HOOK2: variants seen among roughly 807,000 people sequenced by gnomAD.
The protein encoded by HOOK2 is hook microtubule tethering protein 2.
In HOOK2, 108 loss-of-function variants were observed where a neutral mutation model predicts 111.9. That is an observed-to-expected ratio of 0.96 (90% CI 0.83 to 1.13). The LOEUF (loss-of-function observed/expected upper bound fraction) is 1.13. HOOK2 is among the 50% of genes most tolerant of loss of function. The probability of loss-of-function intolerance (pLI) is 0.00; values close to 1 mark genes in which losing one functional copy is unlikely to be tolerated. For synonymous variants in HOOK2, 405 were observed against 394.3 expected, an observed-to-expected ratio of 1.03 and a Z score of -0.32; for missense variants, 978 against 951.3, an observed-to-expected ratio of 1.03 and a Z score of -0.37.
intron 10 of HOOK2, among the ~76,000 whole-genome samples, chr19:12,770,402 G>A (rs1399008535): frequency 6.6e-6 from 1 of 151,860 alleles, no homozygotes; most frequent in Non-Finnish European, 1.5e-5. Flanking sequence ...GAGTCATTGG[G>A]GGAGGTATGG....
Position 12,775,489 on chromosome 19 carries a change from C to T in HOOK2, c.-40G>A, listed in dbSNP as rs749834501. ...TTCAATCCAGGCCACGGAGCCCCGG[C>T]GCCGCAGCAGCCTCCGGGTCCGCCA... On this transcript the variant is annotated 5_prime_UTR_variant, in exon 1 of 23. Coordinates refer to ENST00000397668, the MANE Select transcript of HOOK2 (RefSeq NM_013312.3). 1.3e-5 allele frequency: 21 copies of T among 1,592,744 alleles called. No individual in the cohort carries two copies. The Admixed American group carries it at 2.8e-4, about 21-fold the overall frequency.
At chr19:12,765,523 G>A in intron 18 of HOOK2, 167 bp downstream of exon 18, 1 of 900,112 alleles carries the variant, frequency 1.1e-6, no homozygotes, top group Non-Finnish European at 1.8e-6. Context: ...CAAAGCGGGT[G>A]GATCATCTGG....
chr19:12,772,598 AG>A lies in HOOK2; in HGVS notation c.456+14del. 1 of 1,613,328 alleles carries A rather than the reference AG, an allele frequency of 6.2e-7. No homozygotes were observed. The highest frequency in any genetic ancestry group is 8.5e-7 in the Non-Finnish European group (1 of 1,179,552). ...CCTGACATTTTCCAATTGCACACTG[AG>A]TGCCCCCACCCACCTCTTGGATGGC... On this transcript the variant is annotated intron_variant, in intron 6 of 22. Coordinates refer to ENST00000397668, the MANE Select transcript of HOOK2 (RefSeq NM_013312.3).
rs1968312201 is a variant in HOOK2, at chr19:12,771,030, C to T, written c.804G>A (p.Glu268=). 1 of 1,613,150 alleles carries T rather than the reference C, an allele frequency of 6.2e-7. No individual in the cohort carries two copies. The highest frequency in any genetic ancestry group is 8.5e-7 in the Non-Finnish European group (1 of 1,179,610). The part of the protein sequence containing the change: ...GREDERLRCA[E]LEREVAELQH... Reference sequence around the variant, plus strand: ...GCAGCTCCGCAACCTCCCTCTCCAGCTCGGCACAGCGCAGGCGCTCATCCT... The same window carrying T: ...GCAGCTCCGCAACCTCCCTCTCCAGTTCGGCACAGCGCAGGCGCTCATCCT... Residue 268 remains glutamate (E), a synonymous_variant, in exon 10 of 23, where the codon GAG becomes GAA. Coordinates refer to ENST00000397668, the MANE Select transcript of HOOK2 (RefSeq NM_013312.3).
chr19:12,780,396 A>G (rs914565261), upstream of HOOK2, among the ~76,000 whole-genome samples: 3 of 151,480 alleles, frequency 2.0e-5, no homozygotes, highest in Non-Finnish European at 2.9e-5. Context: ...TCACTCTGTC[A>G]CCCAGGCTGG....
intron 7 of HOOK2, 128 bp from the exon 8 acceptor site, chr19:12,771,605 G>C: frequency 1.3e-6 from 1 of 785,054 alleles, no homozygotes; most frequent in South Asian, 1.6e-5. Context: ...GGCTGGCGCC[G>C]GGTGCAGTGG....
intron 3 of HOOK2, among the ~76,000 whole-genome samples, chr19:12,783,963 C>T (rs1012702365): frequency 6.6e-6 from 1 of 151,980 alleles, no homozygotes; most frequent in Non-Finnish European, 1.5e-5. Flanking sequence ...CTGTTGGGCC[C>T]GTCACCTCCC....
intron 3 of HOOK2, among the ~76,000 whole-genome samples, chr19:12,787,722 G>A (rs755357924): frequency 2.6e-5 from 4 of 151,940 alleles, no homozygotes; most frequent in South Asian, 2.1e-4. Flanking sequence ...GATTATAGAC[G>A]TGAGCCACTG....
intron 3 of HOOK2, among the ~76,000 whole-genome samples, chr19:12,787,804 C>T (rs970517741): frequency 6.6e-6 from 1 of 152,116 alleles, no homozygotes. Context: ...CGCCTGTAAT[C>T]TCAGTACTTT....
Position 12,791,675 on chromosome 19 carries a change from C to T in HOOK2, n.42-17450G>A. 4 of 894,166 alleles carry T rather than the reference C, an allele frequency of 4.5e-6. No homozygotes were observed. Among genetic ancestry groups the T allele is most frequent in the East Asian group, 2.9e-5 (1 of 34,492 alleles). 55.4% of individuals were successfully genotyped at this position (894,166 alleles called of 1,614,324 possible). A position where few individuals can be genotyped will look rare whatever the true frequency, so the allele number is the denominator to read the frequency against. ...GCCCCCGAGAACGCGCGACCAGGCA[C>T]CCAGTCCGGTCACCGCAGCGGAGAG... On this transcript the variant is annotated intron_variant and non_coding_transcript_variant, in intron 3 of 3. Transcript: ENST00000589765. This position sits in a 1 kb window ranked among gnomAD's most constrained non-coding sequence, Gnocchi z 7.0.
upstream of HOOK2, among the ~76,000 whole-genome samples, chr19:12,779,477 C>A (rs528561174): frequency 1.3e-5 from 2 of 152,318 alleles, no homozygotes; most frequent in South Asian, 4.1e-4. Flanking sequence ...GCCAGTCCCC[C>A]CTCCCTGTGT....
At chr19:12,775,038 G>C in intron 1 of HOOK2, 141 bp from the exon 2 acceptor site, 1 of 1,105,282 alleles carries the variant, frequency 9.0e-7, no homozygotes, top group Non-Finnish European at 1.3e-6. Context: ...CGAGGGACTG[G>C]CTTCTGCTCA....
chr19:12,763,058 C>G lies in HOOK2; in HGVS notation c.*224G>C, dbSNP rs2145714996. 5.4e-6 allele frequency: 3 copies of G among 550,720 alleles called. No individual in the cohort carries two copies. The highest frequency in any genetic ancestry group is 5.1e-5 in the South Asian group (2 of 38,880). 34.1% of individuals were successfully genotyped at this position (550,720 alleles called of 1,614,324 possible). A position where few individuals can be genotyped will look rare whatever the true frequency, so the allele number is the denominator to read the frequency against. Reference sequence around the variant, plus strand: ...ATAAAATCAGAGTCTCCTGAGGCAGCACATGAACTCCAGAGAGAGAATCAA... The same window carrying G: ...ATAAAATCAGAGTCTCCTGAGGCAGGACATGAACTCCAGAGAGAGAATCAA... On this transcript the variant is annotated 3_prime_UTR_variant, in exon 23 of 23. Transcript: ENST00000397668.
At position 12,765,916 on chromosome 19, in the gene HOOK2, G is replaced by A. The variant is rs1968131791; in HGVS notation, c.1599+11C>T. 6.2e-7 allele frequency: 1 copy of A among 1,613,560 alleles called. No homozygotes were observed. The highest frequency in any genetic ancestry group is 1.7e-5 in the Admixed American group (1 of 59,986). ...GGAGGGCCAGGCTGGGAGGTGGTGG[G>A]TGACACTCACATCTTCAGTCTTGCC... On this transcript the variant is annotated intron_variant, in intron 16 of 22. Coordinates refer to ENST00000397668, the MANE Select transcript of HOOK2 (RefSeq NM_013312.3).
In HOOK2 at chr19:12,767,455, A is replaced by G; in HGVS notation, c.1313T>C (p.Leu438Pro). 1 of 1,613,954 alleles carries G rather than the reference A, an allele frequency of 6.2e-7. No individual in the cohort carries two copies. The highest frequency in any genetic ancestry group is 1.3e-5 in the African/African-American group (1 of 75,026). The change falls in exon 14 of 23, where the codon CTG becomes CCG. Residue 438 changes from leucine (L) to proline (P), a missense_variant. Physicochemically the swap from Leu to Pro is moderately conservative, Grantham distance 98 (BLOSUM62 -3). Around this residue, in one of 5 missense-constraint regions of HOOK2, gnomAD observed 388 missense variants for 358.3 expected, o/e 1.08. Coordinates refer to ENST00000397668, the MANE Select transcript of HOOK2 (RefSeq NM_013312.3). ...PRGLTQADPSLDPTSTPVDNL... is the reference protein window; with the variant it reads ...PRGLTQADPSPDPTSTPVDNL... ...ATCCACGGGTGTGGAGGTGGGATCC[A>G]GTGAGGGATCTGAAGAATGCGAGAA...
chr19:12,770,832 C>T, intron 10 of HOOK2, 100 bp downstream of exon 10: 2 of 1,429,678 alleles, frequency 1.4e-6, no homozygotes, highest in East Asian at 2.3e-5. Context: ...GTTCACTGGG[C>T]ACATGAAAAT....
Position 12,791,737 on chromosome 19 carries a change from G to T in HOOK2, n.42-17512C>A. 2.0e-6 allele frequency: 3 copies of T among 1,511,224 alleles called. No individual in the cohort carries two copies. The highest frequency in any genetic ancestry group is 1.2e-5 in the South Asian group (1 of 81,708). 93.6% of individuals were successfully genotyped at this position (1,511,224 alleles called of 1,614,324 possible). On this transcript the variant is annotated intron_variant and non_coding_transcript_variant, in intron 3 of 3. Coordinates refer to the HOOK2 transcript ENST00000589765. This position sits in a 1 kb window ranked among gnomAD's most constrained non-coding sequence, Gnocchi z 7.0. ...CTGCAGCGAGGCCCGGAGCGGCCCC[G>T]CAGGGACCCTCCCCAGACCGCCTGG...
chr19:12,766,251 G>C lies in HOOK2; in HGVS notation c.1374-11C>G. 6.4e-7 allele frequency: 1 copy of C among 1,558,342 alleles called. No homozygotes were observed. Among genetic ancestry groups the C allele is most frequent in the Middle Eastern group, 2.3e-4 (1 of 4,422 alleles). ...CGCAGGAGCGTCTCCCTGCAGACCC[G>C]GGAGGAGAGAGCAGGGCCAGGGTCG... On this transcript the variant is annotated splice_polypyrimidine_tract_variant and intron_variant, in intron 14 of 22. Transcript: ENST00000397668.
chr19:12,788,939 G>C (rs535587020), intron 3 of HOOK2, among the ~76,000 whole-genome samples: 4 of 152,074 alleles, frequency 2.6e-5, no homozygotes, highest in African/African-American at 9.7e-5. Context: ...AGGACGGGAC[G>C]CCCCCAGCTT....
Sources: gnomAD v4.1 joint callset for allele counts (sites outside exome capture counted in the v4.1 genomes callset) on GRCh38, gnomAD v4.1.1 for gene constraint, gnomAD v4.1.1 regional missense constraint, Gnocchi (gnomAD v3.1) non-coding constraint, MANE v1.5 for transcripts, NCBI Gene and HGNC (gene_info 2026-07-23, HGNC 2026-07-21) for gene names.